Variants in NCOA3 observed in about 807,000 individuals in gnomAD.
The protein encoded by NCOA3 is CBP-interacting protein.
Under a neutral mutation model 158.8 loss-of-function variants are expected in NCOA3, and 51 were observed. That is an observed-to-expected ratio of 0.32 (90% CI 0.26 to 0.41). NCOA3 has a LOEUF of 0.41. Among genes scored for constraint, NCOA3 ranks in the 10% least tolerant of loss-of-function variants. The pLI, the probability that NCOA3 is intolerant of heterozygous loss-of-function variation, is 1.00. For missense variants in NCOA3, 1,510 were observed against 1,746.6 expected (o/e 0.86, Z 2.41); for synonymous variants, 537 against 592.4 (o/e 0.91, Z 1.36).
At chr20:47,574,280 T>TG (rs1218099125) in intron 1 of NCOA3, among the ~76,000 whole-genome samples, 1 of 152,148 alleles carries the variant, frequency 6.6e-6, no homozygotes, top group Non-Finnish European at 1.5e-5. Flanking sequence ...ATTAATTTAA[T>TG]TTTTCTAAGA....
intron 17 of NCOA3, 133 bp from the exon 18 acceptor site, chr20:47,646,940 T>C: frequency 1.2e-5 from 9 of 720,288 alleles, no homozygotes; most frequent in Non-Finnish European, 2.1e-5. Context: ...AGAGAAGTGA[T>C]GCCTGGCACA....
rs6012234 is a variant in NCOA3 at position 47,647,497 on chromosome 20, A to G, written c.3546+131A>G. On this transcript the variant is annotated intron_variant, in intron 18 of 22. Transcript: ENST00000371998. ...AATTCTTTTTGTTTTACTTCTGTGT[A>G]AGGTTTTATTTGTACAAATGGCTCC... 3.4e-5 allele frequency: 29 copies of G among 857,128 alleles called. 1 individual carries two copies. In the Middle Eastern group the frequency reaches 1.1e-3, roughly 32 times the overall value. 53.1% of individuals were successfully genotyped at this position (857,128 alleles called of 1,614,324 possible).
chr20:47,534,283 AG>A (rs1188448779), intron 1 of NCOA3, among the ~76,000 whole-genome samples: 9 of 148,074 alleles, frequency 6.1e-5, no homozygotes, highest in Admixed American at 4.7e-4. Flanking sequence ...AAAAAAAAAA[AG>A]ATTTATTTGC....
chr20:47,638,666 ACCT>A (rs1161059447), intron 13 of NCOA3, among the ~76,000 whole-genome samples: 1 of 152,198 alleles, frequency 6.6e-6, no homozygotes, highest in Non-Finnish European at 1.5e-5. Flanking sequence ...ATATGCAAGA[ACCT>A]TCAGGAGCTT....
At chr20:47,604,390 G>C (rs1568719065) in intron 2 of NCOA3, among the ~76,000 whole-genome samples, 1 of 152,084 alleles carries the variant, frequency 6.6e-6, no homozygotes, top group Admixed American at 6.5e-5. Context: ...TTGTTTTCTT[G>C]TTCACTAATG....
At chr20:47,557,012 T>C (rs2085017940) in intron 1 of NCOA3, among the ~76,000 whole-genome samples, 1 of 152,174 alleles carries the variant, frequency 6.6e-6, no homozygotes, top group South Asian at 2.1e-4. Flanking sequence ...TAAAAAATAA[T>C]GGCAAATATG....
chr20:47,567,390 T>C (rs1429637568), intron 1 of NCOA3, among the ~76,000 whole-genome samples: 1 of 151,726 alleles, frequency 6.6e-6, no homozygotes, highest in Non-Finnish European at 1.5e-5. Flanking sequence ...TGAGTACTTT[T>C]CTTTCTTTCT....
intron 2 of NCOA3, among the ~76,000 whole-genome samples, chr20:47,614,315 T>C (rs957904491): frequency 2.0e-5 from 3 of 152,260 alleles, no homozygotes; most frequent in African/African-American, 7.2e-5. Context: ...ATTAGGAATT[T>C]GAGAATTTGG....
chr20:47,593,334 A>ATTTTTTTTT lies in NCOA3; in HGVS notation c.-20+10093_-20+10101dup, dbSNP rs71183267. Among the ~76,000 whole-genome samples the ATTTTTTTTT allele has an allele frequency of 1.6e-3, 100 of 63,752 alleles. 13 individuals carry two copies. The highest frequency in any genetic ancestry group is 4.9e-3 in the African/African-American group (74 of 14,986). 41.8% of individuals were successfully genotyped at this position (63,752 alleles called of 152,430 possible). On this transcript the variant is annotated intron_variant, in intron 2 of 22. Coordinates refer to ENST00000371998, the MANE Select transcript of NCOA3 (RefSeq NM_181659.3). ...GGAGTACCTCCTCTTGAGTTGATGG[A>ATTTTTTTTT]TTTTTTTTTTTTTTTTTTTTTTTTT...
intron 1 of NCOA3, among the ~76,000 whole-genome samples, chr20:47,528,357 A>G (rs1268969335): frequency 6.6e-6 from 1 of 152,220 alleles, no homozygotes; most frequent in Non-Finnish European, 1.5e-5. Flanking sequence ...ATAAAAATGA[A>G]TAAATAATTC....
At chr20:47,513,352 G>A (rs1422602385) in intron 1 of NCOA3, among the ~76,000 whole-genome samples, 1 of 152,076 alleles carries the variant, frequency 6.6e-6, no homozygotes, top group Non-Finnish European at 1.5e-5. Flanking sequence ...TTTACTTCCA[G>A]TTTTGTTTGA....
chr20:47,561,321 T>C (rs2085101522), intron 1 of NCOA3, among the ~76,000 whole-genome samples: 1 of 144,200 alleles, frequency 6.9e-6, no homozygotes, highest in African/African-American at 2.6e-5. Context: ...TTTTTAAAGC[T>C]ACACGGTCTC....
At chr20:47,505,800 C>CTTTTTTT (rs11434305) in intron 1 of NCOA3, among the ~76,000 whole-genome samples, 1 of 119,158 alleles carries the variant, frequency 8.4e-6, no homozygotes, top group Non-Finnish European at 1.7e-5. Context: ...GCATTTTCTC[C>CTTTTTTT]TTTTTTTTTT....
In NCOA3 at chr20:47,653,598, A is replaced by G. The variant is rs2146353743; in HGVS notation, c.*181A>G. 2.8e-6 allele frequency: 2 copies of G among 722,908 alleles called. No individual in the cohort carries two copies. The highest frequency in any genetic ancestry group is 1.8e-5 in the African/African-American group (1 of 56,904). 44.8% of individuals were successfully genotyped at this position (722,908 alleles called of 1,614,324 possible). ...ACTGGATTTTAAGCCGAAGGGCAATATCTACGTGTTTTTCCCCCCTCCTTC... is the reference window on the plus strand; with the variant it reads ...ACTGGATTTTAAGCCGAAGGGCAATGTCTACGTGTTTTTCCCCCCTCCTTC... On this transcript the variant is annotated 3_prime_UTR_variant, in exon 23 of 23. Transcript: ENST00000371998.
At chr20:47,529,896 A>G (rs942242580) in intron 1 of NCOA3, among the ~76,000 whole-genome samples, 3 of 152,264 alleles carry the variant, frequency 2.0e-5, no homozygotes, top group African/African-American at 7.2e-5. Context: ...TTTCTGGTCT[A>G]TTAACTGCTT....
chr20:47,550,636 C>G (rs550304665), intron 1 of NCOA3, among the ~76,000 whole-genome samples: 1 of 152,190 alleles, frequency 6.6e-6, no homozygotes, highest in South Asian at 2.1e-4. Flanking sequence ...ATCATGAAAA[C>G]ATAATTTTTG....
intron 2 of NCOA3, among the ~76,000 whole-genome samples, chr20:47,595,341 G>A (rs1267171768): frequency 6.6e-6 from 1 of 151,778 alleles, no homozygotes; most frequent in African/African-American, 2.4e-5. Flanking sequence ...CAGGTGATCC[G>A]CCCGCCTTGG....
chr20:47,533,104 C>CAAAAAAA (rs11344209), intron 1 of NCOA3, among the ~76,000 whole-genome samples: 1 of 39,714 alleles, frequency 2.5e-5, no homozygotes, highest in Non-Finnish European at 4.3e-5. Context: ...GACTCTGTCT[C>CAAAAAAA]AAAAAAAAAA....
At chr20:47,625,539 A>C in intron 5 of NCOA3, 58 bp downstream of exon 5, 1 of 1,210,858 alleles carries the variant, frequency 8.3e-7, no homozygotes, top group Non-Finnish European at 1.2e-6. Flanking sequence ...TTTATTATAA[A>C]GTTATAAAAA....
Sources: allele counts gnomAD v4.1 joint callset (sites outside exome capture counted in the v4.1 genomes callset), GRCh38; gene constraint gnomAD v4.1.1; transcripts MANE v1.5; gene names NCBI Gene and HGNC (gene_info 2026-07-23, HGNC 2026-07-21).